The following BIRC6 variants were observed in gnomAD, a reference collection of about 807,000 sequenced individuals.
The protein encoded by BIRC6 is baculoviral IAP repeat containing 6.
A neutral mutation model predicts 503.3 loss-of-function variants in BIRC6; 98 were observed. That is an observed-to-expected ratio of 0.19 (90% CI 0.17 to 0.23). The LOEUF (loss-of-function observed/expected upper bound fraction) is 0.23, where lower values mean the gene tolerates loss of function less well. BIRC6 is among the 10% of genes least tolerant of loss of function. BIRC6 has a pLI of 1.00. For synonymous variants in BIRC6, 2,240 were observed against 2,078.7 expected, an observed-to-expected ratio of 1.08 and a Z score of -2.11; for missense variants, 5,360 against 5,806.0, an observed-to-expected ratio of 0.92 and a Z score of 2.50.
intron 50 of BIRC6, 27 bp downstream of exon 50, chr2:32,505,232 C>T: frequency 6.7e-7 from 1 of 1,491,890 alleles, no homozygotes; most frequent in Non-Finnish European, 9.1e-7. Flanking sequence ...AAAGAAGCAT[C>T]ATGAGAACAA....
chr2:32,415,393 C>A lies in BIRC6; in HGVS notation c.2102C>A (p.Pro701Gln), dbSNP rs368187117. The A allele has an allele frequency of 6.2e-7, 1 of 1,613,998 alleles. No homozygotes were observed. The highest frequency in any genetic ancestry group is 8.5e-7 in the Non-Finnish European group (1 of 1,179,900). Reference protein sequence around the residue: ...FADAAANLTSPDSEKWNSVFP... With the variant: ...FADAAANLTSQDSEKWNSVFP... ...GATGCAGCAGCCAACCTTACCTCTC[C>A]GGATTCTGAGAAGTGGAACTCTGTG... Residue 701 changes from proline to glutamine, a missense_variant, in exon 10 of 74, where the codon CCG (proline) becomes CAG (glutamine). Around this residue, in one of 16 missense-constraint regions of BIRC6, gnomAD observed 700 missense variants for 739.3 expected, o/e 0.95. Transcript: ENST00000421745.
intron 12 of BIRC6, 49 bp downstream of exon 12, chr2:32,431,139 T>G: frequency 7.8e-7 from 1 of 1,278,994 alleles, no homozygotes; most frequent in South Asian, 1.2e-5. Context: ...CTTGTGTATT[T>G]GTCAGAGACA....
At position 32,549,352 on chromosome 2, in the gene BIRC6, A is replaced by G. The variant is rs866424637; in HGVS notation, c.13015A>G (p.Asn4339Asp). The G allele has an allele frequency of 1.3e-6, 2 of 1,488,816 alleles. No individual in the cohort carries two copies. Among genetic ancestry groups the G allele is most frequent in the South Asian group, 1.4e-5 (1 of 70,476 alleles). The allele number at this position is 1,488,816 out of a possible 1,614,324, so 92.2% of individuals were successfully genotyped here. A position where few individuals can be genotyped will look rare whatever the true frequency, so the allele number is the denominator to read the frequency against. Residue 4339 changes from asparagine (N) to aspartate (D), a missense_variant, in exon 65 of 74, where the codon AAT becomes GAT. By Grantham distance (23) the Asn-to-Asp change is conservative (BLOSUM62 1). Around this residue, in one of 16 missense-constraint regions of BIRC6, gnomAD observed 477 missense variants for 574.4 expected, o/e 0.83. Coordinates refer to ENST00000421745, the MANE Select transcript of BIRC6 (RefSeq NM_016252.4). Reference protein sequence around the residue: ...SYINPVSSAVNGEAQSSHETR... With the variant: ...SYINPVSSAVDGEAQSSHETR... The stretch of plus-strand genomic sequence containing the variant: ...CATAAATCCCGTCAGTAGTGCGGTA[A>G]ATGGAGAAGCTCAGTCATCTCATGA...
intron 17 of BIRC6, 52 bp downstream of exon 17, chr2:32,441,514 A>T (rs1200200474): frequency 1.3e-6 from 2 of 1,523,356 alleles, no homozygotes; most frequent in Non-Finnish European, 1.8e-6. Flanking sequence ...AGTGCAGAGC[A>T]TAACACCACA....
rs758439282 is a variant in BIRC6, at chr2:32,439,479, A to G, written c.3632-29A>G. 14 of 1,588,716 alleles carry G rather than the reference A, an allele frequency of 8.8e-6. No homozygotes were observed. The East Asian group carries it at 3.1e-4, about 36-fold the overall frequency. Reference sequence around the variant, plus strand: ...AGTGGAATTTATTGGTGATTCAGTTATTTTCCCCATTCTACTCCACTTCTC... The same window carrying G: ...AGTGGAATTTATTGGTGATTCAGTTGTTTTCCCCATTCTACTCCACTTCTC... On this transcript the variant is annotated intron_variant, in intron 15 of 73. Coordinates refer to ENST00000421745, the MANE Select transcript of BIRC6 (RefSeq NM_016252.4).
intron 39 of BIRC6, 148 bp from the exon 40 acceptor site, chr2:32,485,495 T>C (rs2149259236): frequency 1.9e-6 from 1 of 534,512 alleles, no homozygotes; most frequent in Admixed American, 3.2e-5. Context: ...TCCCCTGCTG[T>C]GGCTCCGATA....
intron 31 of BIRC6, 64 bp downstream of exon 31, chr2:32,470,365 A>T: frequency 7.4e-7 from 1 of 1,353,404 alleles, no homozygotes; most frequent in Non-Finnish European, 9.9e-7. Context: ...CTTTTATAAA[A>T]TATCTTCTCT....
intron 61 of BIRC6, among the ~76,000 whole-genome samples, chr2:32,538,012 A>G (rs1358154015): frequency 6.6e-6 from 1 of 152,168 alleles, no homozygotes; most frequent in Non-Finnish European, 1.5e-5. Context: ...AGGCTTTAAG[A>G]GCAACTAGAA....
intron 65 of BIRC6, among the ~76,000 whole-genome samples, chr2:32,555,950 A>C (rs1231090919): frequency 6.7e-6 from 1 of 149,858 alleles, no homozygotes; most frequent in Non-Finnish European, 1.5e-5. Context: ...GTAACCTGCC[A>C]CTTTATTTTT....
At chr2:32,543,211 G>A in intron 61 of BIRC6, 30 bp from the exon 62 acceptor site, 1 of 1,598,106 alleles carries the variant, frequency 6.3e-7, no homozygotes. Context: ...AAATGTGAAT[G>A]GCCAAGCCAA....
chr2:32,473,056 G>A (rs766792748), intron 32 of BIRC6, 56 bp from the exon 33 acceptor site: 1 of 1,441,890 alleles, frequency 6.9e-7, no homozygotes, highest in Non-Finnish European at 9.3e-7. Context: ...GGTAGGAAAG[G>A]TACTTTAAAA....
chr2:32,481,372 A>C lies in BIRC6; in HGVS notation c.7461A>C (p.Leu2487Phe). The C allele has an allele frequency of 6.2e-7, 1 of 1,611,412 alleles. No homozygotes were observed. Among genetic ancestry groups the C allele is most frequent in the Admixed American group, 1.7e-5 (1 of 59,758 alleles). Residue 2487 changes from leucine (L) to phenylalanine (F), a missense_variant, in exon 38 of 74, where the codon TTA becomes TTC. Transcript: ENST00000421745. ...LEKDKEIDLE[L>F]LQDLMEVDID... ...AAGATAAAGAAATTGACCTTGAGTT[A>C]CTTCAGGATCTAATGGAAGTTGACA...
rs761081018 is a variant in BIRC6, at chr2:32,470,249, T to G, written c.6429T>G (p.Asp2143Glu). The G allele has an allele frequency of 1.3e-6, 2 of 1,573,002 alleles. No individual in the cohort carries two copies. The highest frequency in any genetic ancestry group is 2.3e-5 in the South Asian group (2 of 85,556). The change falls in exon 31 of 74, where the codon GAT (aspartate) becomes GAG (glutamate). Residue 2143 changes from aspartate to glutamate, a missense_variant. Transcript: ENST00000421745. ...TAGAAAGCTTACTTAATCTCTTGGA[T>G]AATTTATTGTCACCTCTTCAGCCAC... ...GVLESLLNLL[D>E]NLLSPLQPQL...
At chr2:32,589,858 A>G (rs564923648) in intron 66 of BIRC6, among the ~76,000 whole-genome samples, 2 of 152,314 alleles carry the variant, frequency 1.3e-5, no homozygotes, top group South Asian at 2.1e-4. Flanking sequence ...TGTGTCTAGT[A>G]TAGAAATCAA....
At chr2:32,600,022 C>G (rs983506316) in intron 70 of BIRC6, 122 bp downstream of exon 70, 7 of 870,582 alleles carry the variant, frequency 8.0e-6, no homozygotes, top group Non-Finnish European at 1.0e-5. Flanking sequence ...TTGTACTTCT[C>G]TTCCCTACGT....
At chr2:32,616,560 CAAAAAAAA>C (rs201587938) in intron 73 of BIRC6, among the ~76,000 whole-genome samples, 64 of 99,080 alleles carry the variant, frequency 6.5e-4, no homozygotes, top group East Asian at 3.2e-3. Flanking sequence ...ACCTTGTTCT[CAAAAAAAA>C]AAAAAAAAAA....
At chr2:32,593,854 G>A in intron 66 of BIRC6, 61 bp from the exon 67 acceptor site, 1 of 1,370,794 alleles carries the variant, frequency 7.3e-7, no homozygotes, top group Non-Finnish European at 1.0e-6. Context: ...GATTTATGGA[G>A]GTGTTTTAGT....
rs1379847530 is a variant in BIRC6 at position 32,618,773 on chromosome 2, G to C, written c.*869G>C. 1.3e-5 allele frequency: 2 copies of C among 152,568 alleles called. No individual in the cohort carries two copies. Among genetic ancestry groups the C allele is most frequent in the Non-Finnish European group, 2.9e-5 (2 of 68,038 alleles). 9.5% of individuals were successfully genotyped at this position (152,568 alleles called of 1,614,324 possible). On this transcript the variant is annotated 3_prime_UTR_variant, in exon 74 of 74. Transcript: ENST00000421745. ...AAACATTGAGGCTCTGTAGAGGAGA[G>C]AGGATGTACCTCTCTGGTGCTGTTA...
rs547679417 is a variant in BIRC6, at chr2:32,511,581, C to G, written c.10346+947C>G. Reference sequence around the variant, plus strand: ...TCCTGACCTCATGATCCGCCCACCTCAGGCCTCCCAAGTGCTGGGATTACA... The same window carrying G: ...TCCTGACCTCATGATCCGCCCACCTGAGGCCTCCCAAGTGCTGGGATTACA... On this transcript the variant is annotated intron_variant, in intron 53 of 73. Transcript: ENST00000421745. 2.5e-3 allele frequency among the ~76,000 whole-genome samples: 378 copies of G among 149,050 alleles called. 3 individuals are homozygous for G. Among genetic ancestry groups the G allele is most frequent in the African/African-American group, 8.9e-3 (360 of 40,502 alleles).
Sources: allele counts gnomAD v4.1 joint callset (sites outside exome capture counted in the v4.1 genomes callset), GRCh38; gene constraint gnomAD v4.1.1; regional missense constraint gnomAD v4.1.1; transcripts MANE v1.5; gene names NCBI Gene and HGNC (gene_info 2026-07-23, HGNC 2026-07-21).